The following SEMA3C variants were observed in gnomAD, a reference collection of about 807,000 sequenced individuals.
SEMA3C encodes semaphorin 3C, also known as semaphorin-3C.
A neutral mutation model predicts 89.4 loss-of-function variants in SEMA3C; 47 were observed. That is an observed-to-expected ratio of 0.53 (90% confidence interval 0.42 to 0.67). SEMA3C has a LOEUF of 0.67. Among genes scored for constraint, SEMA3C ranks in the 30% least tolerant of loss-of-function variants. The pLI, the probability that SEMA3C is intolerant of heterozygous loss-of-function variation, is 0.00. For missense variants in SEMA3C, 839 were observed against 929.1 expected (o/e 0.90, Z 1.26); for synonymous variants, 310 against 320.2 (o/e 0.97, Z 0.34).
At chr7:80,875,740 TA>T (rs1791185269) in intron 2 of SEMA3C, among the ~76,000 whole-genome samples, 1 of 151,808 alleles carries the variant, frequency 6.6e-6, no homozygotes, top group South Asian at 2.1e-4. Context: ...TGTGATCTAG[TA>T]ATCCGTACTT....
At chr7:80,797,952 T>A (rs1200233558) in intron 11 of SEMA3C, 140 bp downstream of exon 11, 1 of 737,026 alleles carries the variant, frequency 1.4e-6, no homozygotes, top group East Asian at 3.3e-5. Flanking sequence ...GAGCTGAGAT[T>A]GCACCACTAC....
At position 80,758,388 on chromosome 7, in the gene SEMA3C, TC is replaced by T; in HGVS notation, c.1585del (p.Asp529ThrfsTer27). On this transcript the variant is annotated frameshift_variant, in exon 15 of 18. Transcript: ENST00000265361. LOFTEE classifies it high-confidence loss of function. ...TACADCCLAR[D>X]PYCAWDGHSC... ...ATGGCCATCCCAGGCGCAATAAGGG[TC>T]CCGCGCCAGGCAGCAGTCAGCACAG... 1 of 1,613,948 alleles carries T rather than the reference TC, an allele frequency of 6.2e-7. No homozygotes were observed. The highest frequency in any genetic ancestry group is 1.1e-5 in the South Asian group (1 of 91,056).
At chr7:80,756,957 T>C (rs1428873036) in intron 15 of SEMA3C, among the ~76,000 whole-genome samples, 1 of 152,236 alleles carries the variant, frequency 6.6e-6, no homozygotes, top group East Asian at 1.9e-4. Context: ...ATCTTTTCTC[T>C]TTAGAATGCA....
chr7:80,772,988 A>G (rs1407905010), intron 12 of SEMA3C, among the ~76,000 whole-genome samples: 1 of 152,168 alleles, frequency 6.6e-6, no homozygotes, highest in Non-Finnish European at 1.5e-5. Context: ...GGTGCTGCAT[A>G]TTAAATAAGC....
chr7:80,772,708 T>TG (rs546002098), intron 12 of SEMA3C, among the ~76,000 whole-genome samples: 1,605 of 151,946 alleles, frequency 0.011, 37 homozygotes, highest in African/African-American at 0.037. Flanking sequence ...GTTTTTTTTT[T>TG]TGTTTGTTTT....
At chr7:80,801,844 T>C (rs1463519623) in intron 9 of SEMA3C, among the ~76,000 whole-genome samples, 2 of 152,112 alleles carry the variant, frequency 1.3e-5, no homozygotes, top group Admixed American at 6.6e-5. Context: ...TAGAAAAGCT[T>C]ATCTAGAAAC....
intron 2 of SEMA3C, among the ~76,000 whole-genome samples, chr7:80,914,252 A>G (rs1474501754): frequency 6.6e-6 from 1 of 152,196 alleles, no homozygotes; most frequent in East Asian, 1.9e-4. Flanking sequence ...AAATACATTA[A>G]CCCCATACAA....
At chr7:80,810,735 G>A in intron 5 of SEMA3C, 34 bp from the exon 6 acceptor site, 9 of 1,487,056 alleles carry the variant, frequency 6.1e-6, no homozygotes, top group East Asian at 2.3e-5. Flanking sequence ...ATGTGGCAAT[G>A]ATAACTTATT....
intron 12 of SEMA3C, among the ~76,000 whole-genome samples, chr7:80,770,971 C>T (rs932764573): frequency 6.6e-6 from 1 of 152,206 alleles, no homozygotes; most frequent in Admixed American, 6.5e-5. Flanking sequence ...TTCCTGACCA[C>T]ATCATCTTAG....
chr7:80,783,216 T>C (rs1196411858), intron 12 of SEMA3C, among the ~76,000 whole-genome samples: 2 of 152,186 alleles, frequency 1.3e-5, no homozygotes, highest in Non-Finnish European at 2.9e-5. Flanking sequence ...AAAATGTAAA[T>C]GACAACATTT....
chr7:80,819,280 C>T (rs73139715), intron 4 of SEMA3C, among the ~76,000 whole-genome samples: 24,523 of 144,804 alleles, frequency 0.17, 2,154 homozygotes, highest in Non-Finnish European at 0.21. Context: ...TAATCCACCG[C>T]AGATAGTAAG....
At chr7:80,771,702 T>C (rs1429007455) in intron 12 of SEMA3C, among the ~76,000 whole-genome samples, 1 of 152,186 alleles carries the variant, frequency 6.6e-6, no homozygotes, top group Non-Finnish European at 1.5e-5. Context: ...GGGGTTTCCC[T>C]GGAAACTCAT....
At chr7:80,800,449 C>T (rs1378582013) in intron 10 of SEMA3C, among the ~76,000 whole-genome samples, 1 of 152,090 alleles carries the variant, frequency 6.6e-6, no homozygotes, top group Non-Finnish European at 1.5e-5. Flanking sequence ...GTTTTATTTG[C>T]TCACAAGTGC....
At chr7:80,777,805 C>G (rs1311286966) in intron 12 of SEMA3C, among the ~76,000 whole-genome samples, 15 of 152,260 alleles carry the variant, frequency 9.9e-5, no homozygotes. Context: ...TGGGACAAAG[C>G]TGAAAGAGAC....
At chr7:80,838,022 T>A (rs965199345) in intron 2 of SEMA3C, among the ~76,000 whole-genome samples, 1 of 152,342 alleles carries the variant, frequency 6.6e-6, no homozygotes, top group South Asian at 2.1e-4. Flanking sequence ...TATTGATTTT[T>A]ATTATTTTTA....
chr7:80,824,519 A>C (rs749438774), intron 4 of SEMA3C, among the ~76,000 whole-genome samples: 4 of 152,214 alleles, frequency 2.6e-5, no homozygotes, highest in Non-Finnish European at 5.9e-5. Context: ...GAGAGAGGGT[A>C]CAACTTTTTC....
intron 2 of SEMA3C, among the ~76,000 whole-genome samples, chr7:80,854,293 G>T (rs1047159477): frequency 6.6e-6 from 1 of 152,156 alleles, no homozygotes; most frequent in African/African-American, 2.4e-5. Flanking sequence ...GACTCCATAT[G>T]AACTTGCACT....
chr7:80,810,558 T>C (rs1789443526), intron 6 of SEMA3C, 53 bp downstream of exon 6: 4 of 1,438,986 alleles, frequency 2.8e-6, no homozygotes, highest in African/African-American at 1.4e-5. Context: ...CATGTCAAGC[T>C]AATTTTCCAT....
chr7:80,792,631 G>C (rs984261310), intron 11 of SEMA3C, among the ~76,000 whole-genome samples: 7 of 152,034 alleles, frequency 4.6e-5, no homozygotes, highest in Admixed American at 4.6e-4. Flanking sequence ...TTATTAAATA[G>C]GTAATCTAAA....
Sources: allele counts gnomAD v4.1 joint callset (sites outside exome capture counted in the v4.1 genomes callset), GRCh38; gene constraint gnomAD v4.1.1; transcripts MANE v1.5; gene names NCBI Gene and HGNC (gene_info 2026-07-23, HGNC 2026-07-21).